The following SLC12A2 variants were observed in gnomAD, a reference collection of about 807,000 sequenced individuals.
The protein encoded by SLC12A2 is solute carrier family 12 member 2.
SLC12A2 carries 67 observed loss-of-function variants against 136.3 expected under a neutral mutation model. The ratio of observed to expected loss-of-function variants is 0.49; its 90% confidence interval spans 0.40 to 0.60. The LOEUF is 0.60. Ranked by LOEUF, SLC12A2 falls within the 20% of genes least tolerant of loss-of-function variation. The pLI, the probability that SLC12A2 is intolerant of heterozygous loss-of-function variation, is 0.00. For synonymous variants in SLC12A2, 619 were observed against 562.9 expected (o/e 1.10, Z -1.41); for missense variants, 1,322 against 1,534.7 (o/e 0.86, Z 2.32).
chr5:128,102,596 C>CATTT (rs1561657602), intron 1 of SLC12A2, among the ~76,000 whole-genome samples: 1 of 40,450 alleles, frequency 2.5e-5, no homozygotes, highest in African/African-American at 8.7e-5. Context: ...CCCCCCCCGC[C>CATTT]TTTTTTTTTT....
chr5:128,167,129 A>G (rs1197005289), intron 17 of SLC12A2, among the ~76,000 whole-genome samples: 1 of 152,142 alleles, frequency 6.6e-6, no homozygotes, highest in Non-Finnish European at 1.5e-5. Flanking sequence ...TGCAAATACT[A>G]TGCCATTTTA....
At chr5:128,104,803 T>C (rs1760875546) in intron 1 of SLC12A2, among the ~76,000 whole-genome samples, 1 of 152,038 alleles carries the variant, frequency 6.6e-6, no homozygotes, top group Admixed American at 6.5e-5. Flanking sequence ...GTTTCATAGA[T>C]GCTGTATACC....
intron 1 of SLC12A2, among the ~76,000 whole-genome samples, chr5:128,102,582 A>AC (rs34780928): frequency 6.2e-4 from 55 of 88,400 alleles, no homozygotes; most frequent in East Asian, 1.4e-3. Context: ...TCTGTAATTC[A>AC]CCCCCCCCCC....
intron 1 of SLC12A2, among the ~76,000 whole-genome samples, chr5:128,088,219 T>G (rs1279762182): frequency 6.6e-6 from 1 of 152,036 alleles, no homozygotes; most frequent in Non-Finnish European, 1.5e-5. Context: ...CAAAGGAAAT[T>G]AAGGAAGAGC....
At chr5:128,115,309 G>C (rs1761305109) in intron 4 of SLC12A2, among the ~76,000 whole-genome samples, 1 of 152,132 alleles carries the variant, frequency 6.6e-6, no homozygotes, top group Non-Finnish European at 1.5e-5. Context: ...ATTTTTAGTA[G>C]AGATGGCGTT....
At chr5:128,110,646 G>A in intron 1 of SLC12A2, 1 of 1,156,660 alleles carries the variant, frequency 8.6e-7, no homozygotes, top group South Asian at 1.2e-5. Context: ...ACAGTGTTGT[G>A]CTGAAGCCAA....
chr5:128,183,277 AAAATCT>A (rs1763764761), intron 24 of SLC12A2, among the ~76,000 whole-genome samples: 1 of 152,062 alleles, frequency 6.6e-6, no homozygotes, highest in Non-Finnish European at 1.5e-5. Context: ...CTAAAATAGG[AAAATCT>A]AAACATTTGC....
intron 4 of SLC12A2, among the ~76,000 whole-genome samples, chr5:128,118,296 A>G (rs76641449): frequency 6.6e-6 from 1 of 152,226 alleles, no homozygotes; most frequent in Non-Finnish European, 1.5e-5. Context: ...AGAATTCACA[A>G]TTATAAAAAT....
intron 17 of SLC12A2, among the ~76,000 whole-genome samples, chr5:128,162,692 T>G (rs1763078450): frequency 6.6e-6 from 1 of 151,950 alleles, no homozygotes; most frequent in Non-Finnish European, 1.5e-5. Flanking sequence ...AAATACCATG[T>G]CAGTAACAGA....
In SLC12A2 at chr5:128,146,243, A is replaced by G. The variant is rs572584239; in HGVS notation, c.1774-1379A>G. On this transcript the variant is annotated intron_variant, in intron 10 of 26. Coordinates refer to ENST00000262461, the MANE Select transcript of SLC12A2 (RefSeq NM_001046.3). ...ATATGGTTATCCTACTTAAGAAATT[A>G]AACACTGATGAAATACTGTTATTTA... 2.5e-4 allele frequency among the ~76,000 whole-genome samples: 38 copies of G among 152,004 alleles called. No homozygotes were observed. In the South Asian group the frequency reaches 7.7e-3, roughly 31 times the overall value.
At chr5:128,166,925 T>C (rs1185678218) in intron 17 of SLC12A2, among the ~76,000 whole-genome samples, 1 of 152,076 alleles carries the variant, frequency 6.6e-6, no homozygotes, top group Non-Finnish European at 1.5e-5. Flanking sequence ...TGGGGGATAC[T>C]TTGGCCCTCT....
Position 128,158,305 on chromosome 5 carries a change from A to G in SLC12A2, c.2475+141A>G, listed in dbSNP as rs1762928119. The G allele has an allele frequency of 7.7e-6, 5 of 652,244 alleles. No individual in the cohort carries two copies. The Middle Eastern group carries it at 1.7e-3, about 216-fold the overall frequency. 40.4% of individuals were successfully genotyped at this position (652,244 alleles called of 1,614,324 possible). A position where few individuals can be genotyped will look rare whatever the true frequency, so the allele number is the denominator to read the frequency against. ...TACAGATTGTTTTGTCACCCAGGTA[A>G]TAAGCATAGTACCCAATAGGTAGTT... On this transcript the variant is annotated intron_variant, in intron 16 of 26. Coordinates refer to ENST00000262461, the MANE Select transcript of SLC12A2 (RefSeq NM_001046.3).
At chr5:128,151,492 T>C (rs1762699569) in intron 14 of SLC12A2, 96 bp downstream of exon 14, 1 of 1,144,568 alleles carries the variant, frequency 8.7e-7, no homozygotes, top group Non-Finnish European at 1.2e-6. Flanking sequence ...TTAAGCATCA[T>C]CTTTTGTATA....
At chr5:128,147,214 G>A (rs542304320) in intron 10 of SLC12A2, among the ~76,000 whole-genome samples, 19 of 150,992 alleles carry the variant, frequency 1.3e-4, no homozygotes, top group African/African-American at 4.6e-4. Flanking sequence ...TTTCTAAGCT[G>A]CGACAGTGGC....
rs182713001 is a variant in SLC12A2 at position 128,100,041 on chromosome 5, C to T, written c.757-12773C>T. 2.5e-3 allele frequency among the ~76,000 whole-genome samples: 377 copies of T among 151,994 alleles called. 1 individual carries two copies. The highest frequency in any genetic ancestry group is 3.9e-3 in the Non-Finnish European group (267 of 67,954). ...GTTATATACTGTGAATAATTATATC[C>T]GCTATACTTTTATATTACTGTCAGC... is the stretch of plus-strand genomic sequence containing the variant. On this transcript the variant is annotated intron_variant, in intron 1 of 26. Transcript: ENST00000262461.
At chr5:128,108,573 A>T (rs570475249) in intron 1 of SLC12A2, among the ~76,000 whole-genome samples, 4 of 152,238 alleles carry the variant, frequency 2.6e-5, no homozygotes, top group Non-Finnish European at 5.9e-5. Context: ...GAGTCCATTT[A>T]TATGAAATGT....
At chr5:128,177,286 A>G (rs1763568492) in intron 21 of SLC12A2, 134 bp downstream of exon 21, 2 of 549,986 alleles carry the variant, frequency 3.6e-6, no homozygotes, top group Admixed American at 3.9e-5. Flanking sequence ...ATAAATGCAG[A>G]TTAGAAAAAT....
chr5:128,158,115 A>G lies in SLC12A2; in HGVS notation c.2426A>G (p.His809Arg), dbSNP rs1227154172. 2 of 1,613,580 alleles carry G rather than the reference A, an allele frequency of 1.2e-6. No homozygotes were observed. Among genetic ancestry groups the G allele is most frequent in the African/African-American group, 1.3e-5 (1 of 75,002 alleles). ...CGTCCAGCTTTACTTCATCTTGTTC[A>G]TGATTTCACAAAAAATGTTGGTTTG... The part of the protein sequence containing the change: ...NSRPALLHLV[H>R]DFTKNVGLMI... Residue 809 changes from histidine to arginine, a missense_variant, in exon 16 of 27, where the codon CAT (histidine) becomes CGT (arginine). Physicochemically the swap from His to Arg is conservative, Grantham distance 29 (BLOSUM62 0). Around this residue, in one of 8 missense-constraint regions of SLC12A2, gnomAD observed 294 missense variants for 436.6 expected, o/e 0.67. Coordinates refer to ENST00000262461, the MANE Select transcript of SLC12A2 (RefSeq NM_001046.3).
intron 13 of SLC12A2, among the ~76,000 whole-genome samples, chr5:128,150,345 T>C (rs1762661884): frequency 6.6e-6 from 1 of 151,832 alleles, no homozygotes; most frequent in Admixed American, 6.6e-5. Context: ...GAAAAATTGT[T>C]ACTTTTTAAA....
Sources: allele counts gnomAD v4.1 joint callset (sites outside exome capture counted in the v4.1 genomes callset), GRCh38; gene constraint gnomAD v4.1.1; regional missense constraint gnomAD v4.1.1; transcripts MANE v1.5; gene names NCBI Gene and HGNC (gene_info 2026-07-23, HGNC 2026-07-21).